The following OFD1 variants were observed in gnomAD, a reference collection of about 807,000 sequenced individuals.
OFD1 encodes OFD1 centriole and centriolar satellite protein, also known as centriole and centriolar satellite protein OFD1.
Under a neutral mutation model 81.4 loss-of-function variants are expected in OFD1, and 12 were observed. The ratio of observed to expected loss-of-function variants is 0.15; its 90% CI spans 0.09 to 0.24. OFD1 has a LOEUF of 0.24. OFD1 is among the 10% of genes least tolerant of loss of function. The pLI, the probability that OFD1 is intolerant of heterozygous loss-of-function variation, is 1.00. For synonymous variants in OFD1, 256 were observed against 263.7 expected (o/e 0.97, Z 0.28); for missense variants, 685 against 733.9 (o/e 0.93, Z 0.77).
chrX:13,739,113 G>T, intron 5 of OFD1, 81 bp downstream of exon 5: 1 of 794,604 alleles, frequency 1.3e-6, no homozygotes, highest in Non-Finnish European at 1.9e-6. Flanking sequence ...AAATTTTTAG[G>T]GAGAAGAGTA....
chrX:13,746,397 A>G lies in OFD1; in HGVS notation c.596A>G (p.Lys199Arg). 1 of 1,206,966 alleles carries G rather than the reference A, an allele frequency of 8.3e-7. No individual in the cohort carries two copies. The highest frequency in any genetic ancestry group is 1.1e-6 in the Non-Finnish European group (1 of 891,284). Reference protein sequence around the residue: ...QRIKFESLEIKLNEYKREIEE... With the variant: ...QRIKFESLEIRLNEYKREIEE... ...ATCAAGTTCGAATCTTTAGAAATAA[A>G]GCTAAATGAGTATAAGAGAGAAATA... is the stretch of plus-strand genomic sequence containing the variant. The change falls in exon 7 of 23, where the codon AAG becomes AGG. Residue 199 changes from lysine to arginine, a missense_variant. Lys to Arg is a conservative substitution (Grantham distance 26). Around this residue, in one of 3 missense-constraint regions of OFD1, gnomAD observed 414 missense variants for 447.2 expected, o/e 0.93. Transcript: ENST00000340096.
upstream of OFD1, among the ~76,000 whole-genome samples, chrX:13,732,541 A>G (rs1450880279): frequency 8.0e-5 from 9 of 112,869 alleles, no homozygotes; most frequent in African/African-American, 1.9e-4. Flanking sequence ...GAATGCTGTG[A>G]TCAATTATCC....
intron 9 of OFD1, among the ~76,000 whole-genome samples, chrX:13,749,754 T>A (rs1294573444): frequency 8.9e-6 from 1 of 112,630 alleles, no homozygotes; most frequent in African/African-American, 3.2e-5. Flanking sequence ...ATCATCAGGC[T>A]ACAGTAAGAC....
At chrX:13,767,617 C>G (rs1273134093) in intron 20 of OFD1, among the ~76,000 whole-genome samples, 3 of 112,231 alleles carry the variant, frequency 2.7e-5, no homozygotes, top group Non-Finnish European at 3.8e-5. Flanking sequence ...CTGTCAGTGC[C>G]AGCTAGCTGG....
At chrX:13,723,050 G>C in the OFD1 span, among the ~76,000 whole-genome samples, 25 of 102,217 alleles carry the variant, frequency 2.4e-4, no homozygotes, top group Non-Finnish European at 4.5e-4. Context: ...AGCCAAGATC[G>C]TGCCACTGCA....
intron 15 of OFD1, 82 bp from the exon 16 acceptor site, chrX:13,760,033 T>A: frequency 8.7e-7 from 1 of 1,155,416 alleles, no homozygotes; most frequent in Non-Finnish European, 1.2e-6. Context: ...TCTTCCATTT[T>A]TCAAAAAAAT....
chrX:13,760,699 G>C lies in OFD1; in HGVS notation c.2239G>C (p.Glu747Gln), dbSNP rs761915805. 2 of 1,211,387 alleles carry C rather than the reference G, an allele frequency of 1.7e-6. No individual in the cohort carries two copies. Among genetic ancestry groups the C allele is most frequent in the Non-Finnish European group, 2.2e-6 (2 of 895,384 alleles). The change falls in exon 16 of 23, where the codon GAA becomes CAA. Residue 747 changes from glutamate to glutamine, a missense_variant. By Grantham distance (29) the Glu-to-Gln change is conservative (BLOSUM62 2). Coordinates refer to ENST00000340096, the MANE Select transcript of OFD1 (RefSeq NM_003611.3). ...TPLPKAKRSLESEMYLEGLGR... is the reference protein window; with the variant it reads ...TPLPKAKRSLQSEMYLEGLGR... ...CCTTCCAAAAGCAAAAAGAAGCCTC[G>C]AAAGTGAAATGTATCTGGAAGGTAA...
chrX:13,747,061 A>G (rs1356845879), intron 8 of OFD1, 108 bp downstream of exon 8: 2 of 715,400 alleles, frequency 2.8e-6, no homozygotes, highest in Non-Finnish European at 2.2e-6. Flanking sequence ...GCCCCAGAAG[A>G]GCAATAGGGA....
At chrX:13,768,695 T>C (rs759634331) in intron 21 of OFD1, 23 bp from the exon 22 acceptor site, 2 of 1,183,405 alleles carry the variant, frequency 1.7e-6, no homozygotes, top group Non-Finnish European at 2.3e-6. Context: ...TTTCAAAATT[T>C]TCCACCCTCT....
intron 2 of OFD1, 104 bp from the exon 3 acceptor site, chrX:13,736,374 T>G: frequency 3.7e-6 from 4 of 1,092,593 alleles, no homozygotes; most frequent in Non-Finnish European, 5.0e-6. Flanking sequence ...GAAGGAAGGT[T>G]TCCAATGAAT....
the OFD1 span, chrX:13,716,569 T>C: frequency 7.4e-6 from 9 of 1,211,836 alleles, no homozygotes; most frequent in Non-Finnish European, 8.9e-6. Flanking sequence ...AAACCACTCG[T>C]TGAACTTGTC....
rs775451384 is a variant in OFD1 at position 13,767,237 on chromosome X, G to A, written c.2710G>A (p.Val904Ile). The A allele has an allele frequency of 1.2e-5, 14 of 1,211,419 alleles. No individual in the cohort carries two copies. Among genetic ancestry groups the A allele is most frequent in the African/African-American group, 1.7e-5 (1 of 57,858 alleles). Residue 904 changes from valine to isoleucine, a missense_variant, in exon 20 of 23, where the codon GTT (valine) becomes ATT (isoleucine). This residue lies in a region of OFD1 where 259 missense variants were observed against 254.4 expected (regional missense o/e 1.02). Transcript: ENST00000340096. ...EERRQSNLQE[V>I]LERERRELEK... ...AAGAAGGCAGAGTAACCTACAAGAA[G>A]TTTTAGAAAGGGAACGAAGAGAACT...
chrX:13,758,784 G>A lies in OFD1; in HGVS notation c.1654+336G>A, dbSNP rs141147258. The stretch of plus-strand genomic sequence containing the variant: ...GTTAACACCAATTCAGTAGTTTTAC[G>A]GATTCCTTGATAGATATATAAATAT... On this transcript the variant is annotated intron_variant, in intron 15 of 22. Coordinates refer to ENST00000340096, the MANE Select transcript of OFD1 (RefSeq NM_003611.3). 5.8e-3 allele frequency among the ~76,000 whole-genome samples: 642 copies of A among 111,192 alleles called. 5 individuals are homozygous for A. Among genetic ancestry groups the A allele is most frequent in the African/African-American group, 0.02 (606 of 30,592 alleles).
At chrX:13,740,174 C>T in intron 5 of OFD1, 1 of 968,885 alleles carries the variant, frequency 1.0e-6, no homozygotes, top group South Asian at 2.0e-5. Context: ...ATATTCTGGA[C>T]TGCCCGCAAA....
intron 3 of OFD1, among the ~76,000 whole-genome samples, chrX:13,737,375 G>A (rs1318822589): frequency 3.6e-5 from 3 of 82,448 alleles, no homozygotes; most frequent in South Asian, 7.1e-4. Context: ...GGATATGTGC[G>A]TGTTTTTTTT....
chrX:13,729,535 T>G, the OFD1 span, among the ~76,000 whole-genome samples: 1 of 112,489 alleles, frequency 8.9e-6, no homozygotes, highest in Non-Finnish European at 1.9e-5. Flanking sequence ...CTGGGAAAAC[T>G]GGCTAGCCAT....
chrX:13,751,503 C>G, intron 10 of OFD1, 135 bp downstream of exon 10: 1 of 514,495 alleles, frequency 1.9e-6, no homozygotes, highest in South Asian at 3.2e-5. Flanking sequence ...TTTATCGATA[C>G]AGTCAATCCT....
the OFD1 span, among the ~76,000 whole-genome samples, chrX:13,727,827 G>C: frequency 1.8e-5 from 2 of 111,578 alleles, no homozygotes; most frequent in Non-Finnish European, 3.8e-5. Context: ...TTTTTCAAAA[G>C]ATCAACAAAA....
chrX:13,754,628 G>A (rs2047632774), intron 11 of OFD1, among the ~76,000 whole-genome samples: 1 of 109,077 alleles, frequency 9.2e-6, no homozygotes, highest in Non-Finnish European at 1.9e-5. Context: ...GGCTGGTCTC[G>A]AACTCGTGAC....
Sources: gnomAD v4.1 joint callset for allele counts (sites outside exome capture counted in the v4.1 genomes callset) on GRCh38, gnomAD v4.1.1 for gene constraint, gnomAD v4.1.1 regional missense constraint, MANE v1.5 for transcripts, NCBI Gene and HGNC (gene_info 2026-07-23, HGNC 2026-07-21) for gene names.